The following GON4L variants were observed in gnomAD, a reference collection of about 807,000 sequenced individuals.
The protein encoded by GON4L is gon-4 like.
Under a neutral mutation model 211.8 loss-of-function variants are expected in GON4L, and 87 were observed. The ratio of observed to expected loss-of-function variants is 0.41; its 90% CI spans 0.35 to 0.49. GON4L has a LOEUF of 0.49. Ranked by LOEUF, GON4L falls within the 20% of genes least tolerant of loss-of-function variation. The pLI is 0.15. For synonymous variants in GON4L, 875 were observed against 962.6 expected, an observed-to-expected ratio of 0.91 and a Z score of 1.68; for missense variants, 2,155 against 2,659.5, an observed-to-expected ratio of 0.81 and a Z score of 4.17.
At chr1:155,783,965 C>T in intron 14 of GON4L, 21 bp downstream of exon 14, 1 of 1,612,710 alleles carries the variant, frequency 6.2e-7, no homozygotes, top group Non-Finnish European at 8.5e-7. Flanking sequence ...TTCCAAATCT[C>T]AAGGTCTTCA....
Position 155,750,602 on chromosome 1 carries a change from TTCAGACAGAAGGTCCCCATGG to T in GON4L, c.6687_6707del (p.Asp2229_Ser2235del). On this transcript the variant is annotated inframe_deletion, in exon 32 of 32. Transcript: ENST00000368331. ...CAGAGTCTCATTCATCCAGCTCCTC[TTCAGACAGAAGGTCCCCATGG>T]TCAGACAGCTGGTCTGCATTGCTGG... is the stretch of plus-strand genomic sequence containing the variant. The T allele has an allele frequency of 1.3e-6, 2 of 1,591,318 alleles. No homozygotes were observed. Among genetic ancestry groups the T allele is most frequent in the Non-Finnish European group, 1.7e-6 (2 of 1,160,706 alleles).
At position 155,798,159 on chromosome 1, in the gene GON4L, TCA is replaced by T. The variant is rs1479726834; in HGVS notation, c.1646-3010_1646-3009del. Among the ~76,000 whole-genome samples the T allele has an allele frequency of 3.3e-5, 5 of 149,584 alleles. No individual in the cohort carries two copies. In the Admixed American group the frequency reaches 3.3e-4, roughly 10 times the overall value. ...ACTTATACAGACACACATTTAAAATTCACAATCACTGAAAAATCTGTGCTGAT... is the reference window on the plus strand; with the variant it reads ...ACTTATACAGACACACATTTAAAATTCAATCACTGAAAAATCTGTGCTGAT... On this transcript the variant is annotated intron_variant, in intron 11 of 31. Coordinates refer to ENST00000368331, the MANE Select transcript of GON4L (RefSeq NM_001282860.2).
At chr1:155,799,972 G>A (rs1666470944) in intron 11 of GON4L, among the ~76,000 whole-genome samples, 1 of 152,160 alleles carries the variant, frequency 6.6e-6, no homozygotes, top group Non-Finnish European at 1.5e-5. Context: ...AGGCCGAGGA[G>A]GGCGGATCAC....
intron 27 of GON4L, among the ~76,000 whole-genome samples, chr1:155,755,566 A>G (rs1415622148): frequency 6.6e-6 from 1 of 152,142 alleles, no homozygotes; most frequent in Admixed American, 6.6e-5. Context: ...CAATAGCCCA[A>G]ACTAGATTAA....
chr1:155,836,008 C>T (rs1053976929), intron 2 of GON4L, among the ~76,000 whole-genome samples: 8 of 152,114 alleles, frequency 5.3e-5, no homozygotes, highest in Admixed American at 3.3e-4. Context: ...CTTTGGGAGG[C>T]CAAGGCAGGT....
chr1:155,820,813 C>T (rs1668663655), intron 5 of GON4L, among the ~76,000 whole-genome samples, 157 bp from the exon 6 acceptor site: 1 of 151,996 alleles, frequency 6.6e-6, no homozygotes, highest in Non-Finnish European at 1.5e-5. Flanking sequence ...AGACACCCTC[C>T]CTACAAAAAA....
intron 2 of GON4L, among the ~76,000 whole-genome samples, chr1:155,850,133 A>G (rs542741397): frequency 6.6e-6 from 1 of 152,280 alleles, no homozygotes; most frequent in East Asian, 1.9e-4. Flanking sequence ...GTGGAAAACT[A>G]TCAAAATAAG....
At chr1:155,749,113 A>C (rs1465333896), downstream of GON4L, among the ~76,000 whole-genome samples, 2 of 152,118 alleles carry the variant, frequency 1.3e-5, no homozygotes, top group Non-Finnish European at 2.9e-5. Flanking sequence ...TTAGCCAGGC[A>C]TGGTGGCACA....
chr1:155,853,578 C>T lies in GON4L; in HGVS notation c.203G>A (p.Gly68Glu). ...TGTATCCTCCATACCAAGCTGATTT[C>T]CTGCATCCTGCAAAGACTGTACTTC... The part of the protein sequence containing the change: ...GFEVQSLQDA[G>E]NQLGMEDTSL... The change falls in exon 2 of 32, where the codon GGA (glycine) becomes GAA (glutamate). Residue 68 changes from glycine (G) to glutamate (E), a missense_variant. This residue lies in a region of GON4L where 313 missense variants were observed against 293.2 expected (regional missense o/e 1.07). Transcript: ENST00000368331. 5.6e-6 allele frequency: 9 copies of T among 1,614,192 alleles called. No individual in the cohort carries two copies. The highest frequency in any genetic ancestry group is 6.8e-6 in the Non-Finnish European group (8 of 1,180,016).
rs1663170997 is a variant in GON4L, at chr1:155,771,346, GGCTGGA to G, written c.2496-135_2496-130del. 1.7e-5 allele frequency: 22 copies of G among 1,264,488 alleles called. No individual in the cohort carries two copies. In the South Asian group the frequency reaches 2.7e-4, roughly 16 times the overall value. The allele number at this position is 1,264,488 out of a possible 1,614,324, so 78.3% of individuals were successfully genotyped here. A position where few individuals can be genotyped will look rare whatever the true frequency, so the allele number is the denominator to read the frequency against. On this transcript the variant is annotated intron_variant, in intron 18 of 31. Coordinates refer to ENST00000368331, the MANE Select transcript of GON4L (RefSeq NM_001282860.2). ...AGACAAGGTCTCACGCTGTCACCCA[GGCTGGA>G]GTGCAGTGGCACCATCGCAGCTCAC...
intron 3 of GON4L, among the ~76,000 whole-genome samples, chr1:155,823,731 C>T (rs1009360784): frequency 2.6e-5 from 4 of 151,998 alleles, no homozygotes; most frequent in African/African-American, 7.2e-5. Flanking sequence ...CTCGTCTCTA[C>T]TGAAAATACA....
At chr1:155,748,270 T>G (rs1660334669), downstream of GON4L, 3 of 1,231,122 alleles carry the variant, frequency 2.4e-6, no homozygotes, top group Admixed American at 2.1e-5. Flanking sequence ...CACACTGTCC[T>G]ATGCTTGTCC....
At chr1:155,791,584 G>A (rs1218778110) in intron 12 of GON4L, among the ~76,000 whole-genome samples, 1 of 151,346 alleles carries the variant, frequency 6.6e-6, no homozygotes. Flanking sequence ...ACAAATAGGA[G>A]GCCGGGCACA....
intron 8 of GON4L, 67 bp from the exon 9 acceptor site, chr1:155,814,516 C>A: frequency 6.8e-7 from 1 of 1,480,178 alleles, no homozygotes; most frequent in Non-Finnish European, 9.4e-7. Flanking sequence ...TCTGAAGTAT[C>A]TCAAGAGAAG....
At chr1:155,762,508 T>C in intron 22 of GON4L, 134 bp from the exon 23 acceptor site, 2 of 720,270 alleles carry the variant, frequency 2.8e-6, no homozygotes, top group Non-Finnish European at 4.5e-6. Flanking sequence ...TTTGGGAAAA[T>C]GGTATGAGAA....
At chr1:155,853,225 T>C (rs1465441628) in intron 2 of GON4L, 51 bp downstream of exon 2, 3 of 1,454,230 alleles carry the variant, frequency 2.1e-6, no homozygotes, top group East Asian at 2.3e-5. Context: ...GAAATAGCAA[T>C]GGCAAAGTGG....
At chr1:155,845,438 C>G (rs991902269) in intron 2 of GON4L, 105 of 343,596 alleles carry the variant, frequency 3.1e-4, no homozygotes, top group African/African-American at 2.1e-3. Context: ...TGTGGTGGAT[C>G]ATTTCAACAG....
At chr1:155,827,828 C>A (rs768537106) in intron 2 of GON4L, among the ~76,000 whole-genome samples, 3 of 151,852 alleles carry the variant, frequency 2.0e-5, no homozygotes, top group Non-Finnish European at 4.4e-5. Context: ...CATATCGAGG[C>A]TTTGTCTCTA....
At chr1:155,769,457 C>A (rs1662940972) in intron 19 of GON4L, among the ~76,000 whole-genome samples, 1 of 152,050 alleles carries the variant, frequency 6.6e-6, no homozygotes, top group African/African-American at 2.4e-5. Flanking sequence ...AACATCAGTG[C>A]AGCAAGCCCA....
Sources: allele counts gnomAD v4.1 joint callset (sites outside exome capture counted in the v4.1 genomes callset), GRCh38; gene constraint gnomAD v4.1.1; regional missense constraint gnomAD v4.1.1; transcripts MANE v1.5; gene names NCBI Gene and HGNC (gene_info 2026-07-23, HGNC 2026-07-21).